The following PPP2R5C variants were observed in gnomAD, a reference collection of about 807,000 sequenced individuals.
The protein encoded by PPP2R5C is protein phosphatase 2 regulatory subunit B'gamma.
In PPP2R5C, 7 loss-of-function variants were observed where a neutral mutation model predicts 68.9. That is an observed-to-expected ratio of 0.10 (90% CI 0.06 to 0.19). The LOEUF (loss-of-function observed/expected upper bound fraction) is 0.19, where lower values mean the gene tolerates loss of function less well. Ranked by LOEUF, PPP2R5C falls within the 10% of genes least tolerant of loss-of-function variation. The pLI is 1.00. For synonymous variants in PPP2R5C, 210 were observed against 222.2 expected, an observed-to-expected ratio of 0.95 and a Z score of 0.49; for missense variants, 348 against 641.3, an observed-to-expected ratio of 0.54 and a Z score of 4.94.
At chr14:101,844,836 T>A (rs529826844) in intron 1 of PPP2R5C, among the ~76,000 whole-genome samples, 1 of 152,312 alleles carries the variant, frequency 6.6e-6, no homozygotes, top group South Asian at 2.1e-4. Context: ...AGTACCTGCC[T>A]TTGTTCTTTG....
chr14:101,798,743 G>A (rs1431083003), intron 3 of PPP2R5C, among the ~76,000 whole-genome samples: 1 of 152,258 alleles, frequency 6.6e-6, no homozygotes, highest in African/African-American at 2.4e-5. Flanking sequence ...GCCCAGCAAA[G>A]CGCCCTTCCT....
chr14:101,841,017 AAAC>A (rs2140419116), intron 1 of PPP2R5C, among the ~76,000 whole-genome samples: 1 of 152,330 alleles, frequency 6.6e-6, no homozygotes, highest in East Asian at 1.9e-4. Context: ...CAAAAAACAA[AAAC>A]AACATTTATT....
chr14:101,904,699 C>T (rs1167543944), intron 9 of PPP2R5C, among the ~76,000 whole-genome samples: 3 of 152,212 alleles, frequency 2.0e-5, no homozygotes, highest in Non-Finnish European at 2.9e-5. Context: ...CCATACACAC[C>T]GCACCACAAC....
At chr14:101,858,483 C>T (rs1057115404) in intron 2 of PPP2R5C, among the ~76,000 whole-genome samples, 1 of 151,322 alleles carries the variant, frequency 6.6e-6, no homozygotes, top group African/African-American at 2.4e-5. Flanking sequence ...AGGAGCATTC[C>T]AGTTTTTTTG....
Position 101,781,916 on chromosome 14 carries a change from C to T in PPP2R5C, c.94-4102C>T, listed in dbSNP as rs2037719111. On this transcript the variant is annotated intron_variant, in intron 2 of 14. Transcript: ENST00000328724. The surrounding 1 kb of genome is among the most constrained non-coding windows in gnomAD (Gnocchi z 6.4). ...AGGAGCCCGCCCTAGCACCCGCTCCCGCTCCCACCTCGTCTGCGCCCACCC... is the reference window on the plus strand; with the variant it reads ...AGGAGCCCGCCCTAGCACCCGCTCCTGCTCCCACCTCGTCTGCGCCCACCC... Among the ~76,000 whole-genome samples, 2 of 151,892 alleles carry T rather than the reference C, an allele frequency of 1.3e-5. No homozygotes were observed. Among genetic ancestry groups the T allele is most frequent in the Admixed American group, 1.3e-4 (2 of 15,268 alleles).
At chr14:101,870,261 A>G (rs1595427494) in intron 2 of PPP2R5C, among the ~76,000 whole-genome samples, 1 of 152,048 alleles carries the variant, frequency 6.6e-6, no homozygotes, top group Admixed American at 6.6e-5. Context: ...TTTTGGTAGC[A>G]TATCTAAGAA....
intron 2 of PPP2R5C, among the ~76,000 whole-genome samples, chr14:101,866,987 C>T (rs1345066320): frequency 2.0e-5 from 3 of 152,174 alleles, no homozygotes; most frequent in Admixed American, 2.0e-4. Context: ...GAGGCTGAAG[C>T]GGACAGATCA....
At chr14:101,866,227 G>A (rs568498877) in intron 2 of PPP2R5C, among the ~76,000 whole-genome samples, 1 of 152,306 alleles carries the variant, frequency 6.6e-6, no homozygotes, top group Admixed American at 6.5e-5. Context: ...TCATGCTGTG[G>A]AACTACTTCA....
In PPP2R5C at chr14:101,914,271, C is replaced by T. The variant is rs2046541634; in HGVS notation, c.1326+1798C>T. ...GTCTGTGTTGACGCCATCTGTGACG[C>T]AGTCCCCATGAGTCTCGTCCACATG... is the stretch of plus-strand genomic sequence containing the variant. On this transcript the variant is annotated intron_variant, in intron 12 of 13. Coordinates refer to ENST00000334743, the Ensembl canonical transcript of PPP2R5C. 3.6e-5 allele frequency: 16 copies of T among 448,958 alleles called. 1 individual carries two copies. The highest frequency in any genetic ancestry group is 3.5e-4 in the Middle Eastern group (1 of 2,872). 27.8% of individuals were successfully genotyped at this position (448,958 alleles called of 1,614,324 possible).
intron 13 of PPP2R5C, among the ~76,000 whole-genome samples, chr14:101,918,823 G>A (rs935326269): frequency 2.7e-5 from 4 of 149,138 alleles, no homozygotes; most frequent in Admixed American, 6.7e-5. Flanking sequence ...TTCCCTGAGC[G>A]TCCCTCCCTG....
intron 1 of PPP2R5C, among the ~76,000 whole-genome samples, chr14:101,822,866 T>C (rs1329171969): frequency 6.6e-6 from 1 of 152,244 alleles, no homozygotes; most frequent in African/African-American, 2.4e-5. Context: ...ACATAAATTA[T>C]ACTGCCTACA....
intron 10 of PPP2R5C, among the ~76,000 whole-genome samples, chr14:101,907,629 A>G (rs547722969): frequency 2.0e-5 from 3 of 152,004 alleles, no homozygotes; most frequent in Non-Finnish European, 4.4e-5. Flanking sequence ...CTCCTCCCTT[A>G]GTTTATGGGT....
At chr14:101,868,431 T>C (rs997722924) in intron 2 of PPP2R5C, among the ~76,000 whole-genome samples, 7 of 152,188 alleles carry the variant, frequency 4.6e-5, no homozygotes, top group East Asian at 1.9e-4. Context: ...ACTTCACCCC[T>C]CCCCAGTTCT....
chr14:101,786,211 A>G, intron 3 of PPP2R5C, 28 bp downstream of exon 3: 3 of 1,503,324 alleles, frequency 2.0e-6, no homozygotes, highest in Non-Finnish European at 2.7e-6. Flanking sequence ...TTTAAAAGTT[A>G]AATTGTGGCT....
rs199982317 is a variant in PPP2R5C, at chr14:101,791,543, T to C, written c.259+5360T>C. On this transcript the variant is annotated intron_variant, in intron 3 of 14. Coordinates refer to the PPP2R5C transcript ENST00000328724. ...GTCAGTAGACATAAGATTACCCTGT[T>C]AAGTTGATACGAAAGTTTTGAAACG... Among the ~76,000 whole-genome samples the C allele has an allele frequency of 7.9e-5, 12 of 152,350 alleles. No individual in the cohort carries two copies. The East Asian group carries it at 1.7e-3, about 22-fold the overall frequency.
chr14:101,909,846 A>G (rs1183677123), intron 11 of PPP2R5C, among the ~76,000 whole-genome samples, 156 bp downstream of exon 13: 1 of 152,256 alleles, frequency 6.6e-6, no homozygotes, highest in Non-Finnish European at 1.5e-5. Context: ...TGTTATAATA[A>G]CGTATTTTGA....
chr14:101,785,756 A>G (rs1371223779), intron 2 of PPP2R5C, among the ~76,000 whole-genome samples: 1 of 152,232 alleles, frequency 6.6e-6, no homozygotes, highest in African/African-American at 2.4e-5. Context: ...AGTCTACCAC[A>G]TCAACCTATG....
chr14:101,779,035 G>A (rs1029325326), intron 2 of PPP2R5C, among the ~76,000 whole-genome samples: 2 of 152,168 alleles, frequency 1.3e-5, no homozygotes, highest in South Asian at 4.1e-4. Flanking sequence ...ACTCCAGCCT[G>A]AGTGACAGAC....
At chr14:101,820,065 A>C (rs1032457969) in intron 1 of PPP2R5C, 3 of 152,210 alleles carry the variant, frequency 2.0e-5, no homozygotes, top group African/African-American at 7.2e-5. Context: ...CAGGAACTTT[A>C]AATTATGAGA....
Sources: allele counts gnomAD v4.1 joint callset (sites outside exome capture counted in the v4.1 genomes callset), GRCh38; gene constraint gnomAD v4.1.1; non-coding constraint Gnocchi (gnomAD v3.1); transcripts MANE v1.5; gene names NCBI Gene and HGNC (gene_info 2026-07-23, HGNC 2026-07-21).